NDUFA10: variants seen among roughly 807,000 people sequenced by gnomAD.
NDUFA10 encodes NADH dehydrogenase [ubiquinone] 1 alpha subcomplex subunit 10, mitochondrial.
Under a neutral mutation model 47.8 loss-of-function variants are expected in NDUFA10, and 40 were observed. The observed-to-expected ratio is 0.84, with a 90% CI of 0.65 to 1.09. The LOEUF (loss-of-function observed/expected upper bound fraction) is 1.09. Among genes scored for constraint, NDUFA10 ranks in the 50% least tolerant of loss-of-function variants. The pLI, the probability that NDUFA10 is intolerant of heterozygous loss-of-function variation, is 0.00. For missense variants in NDUFA10, 413 were observed against 451.1 expected, an observed-to-expected ratio of 0.92 and a Z score of 0.76; for synonymous variants, 183 against 172.2, an observed-to-expected ratio of 1.06 and a Z score of -0.49.
At chr2:239,938,134 C>G (rs1445271884) in intron 4 of NDUFA10, among the ~76,000 whole-genome samples, 1 of 152,224 alleles carries the variant, frequency 6.6e-6, no homozygotes, top group Non-Finnish European at 1.5e-5. Flanking sequence ...CACTCCCCAG[C>G]AGTCCCCACT....
chr2:239,970,167 C>A (rs1210699105), intron 9 of NDUFA10, among the ~76,000 whole-genome samples: 1 of 152,078 alleles, frequency 6.6e-6, no homozygotes, highest in Non-Finnish European at 1.5e-5. Context: ...AAAAAAGGTT[C>A]ATCAGGGACA....
intron 6 of NDUFA10, among the ~76,000 whole-genome samples, chr2:240,009,124 A>G (rs1054968753): frequency 4.6e-5 from 7 of 152,178 alleles, no homozygotes; most frequent in African/African-American, 1.7e-4. Context: ...AGTTATTTCA[A>G]TACTTCCAGA....
At chr2:240,020,898 CTTTGT>C (rs561237358) in intron 3 of NDUFA10, among the ~76,000 whole-genome samples, 1 of 152,194 alleles carries the variant, frequency 6.6e-6, no homozygotes, top group Non-Finnish European at 1.5e-5. Context: ...CTCTTTACCC[CTTTGT>C]TTTGACACAT....
chr2:239,924,717 C>T (rs1255806072), intron 4 of NDUFA10, among the ~76,000 whole-genome samples: 1 of 151,864 alleles, frequency 6.6e-6, no homozygotes, highest in Non-Finnish European at 1.5e-5. Flanking sequence ...AGTAGTAAGT[C>T]AAGAAAGGAA....
chr2:239,956,391 T>C (rs970073804), downstream of NDUFA10, among the ~76,000 whole-genome samples: 2 of 152,130 alleles, frequency 1.3e-5, no homozygotes. Flanking sequence ...AGGGGGTAGA[T>C]CCAAAGCGTG....
intron 9 of NDUFA10, among the ~76,000 whole-genome samples, chr2:239,981,394 G>C (rs1695767256): frequency 6.9e-6 from 1 of 145,210 alleles, no homozygotes; most frequent in African/African-American, 2.6e-5. Context: ...TCCAGAGACA[G>C]AGCATAAAAT....
At chr2:239,897,939 G>A (rs985949202) in intron 4 of NDUFA10, among the ~76,000 whole-genome samples, 1 of 152,188 alleles carries the variant, frequency 6.6e-6, no homozygotes, top group Non-Finnish European at 1.5e-5. Context: ...TCCCTTCTGG[G>A]ATCCCTCTTC....
At chr2:239,933,025 G>A (rs533168569) in intron 4 of NDUFA10, among the ~76,000 whole-genome samples, 10 of 152,300 alleles carry the variant, frequency 6.6e-5, no homozygotes, top group Admixed American at 1.3e-4. Context: ...ACGGCAGCCC[G>A]TGTAGGTTGT....
intron 4 of NDUFA10, chr2:239,942,940 T>C (rs1350050248): frequency 6.5e-6 from 1 of 154,220 alleles, no homozygotes; most frequent in Admixed American, 6.5e-5. Context: ...AGGATGGTGG[T>C]GGCAGGAGGA....
intron 4 of NDUFA10, among the ~76,000 whole-genome samples, chr2:239,933,319 T>C (rs1312801147): frequency 6.6e-6 from 1 of 152,154 alleles, no homozygotes; most frequent in Non-Finnish European, 1.5e-5. Context: ...GGCCTCCATC[T>C]CTACCCTTCA....
chr2:239,914,559 G>A (rs1324156917), intron 4 of NDUFA10, among the ~76,000 whole-genome samples: 2 of 134,300 alleles, frequency 1.5e-5, no homozygotes, highest in Non-Finnish European at 3.1e-5. Context: ...TACAGACACA[G>A]AGATACACAC....
chr2:239,983,516 CT>C (rs1559352905), intron 9 of NDUFA10: 1 of 1,598,610 alleles, frequency 6.3e-7, no homozygotes, highest in Admixed American at 1.7e-5. Flanking sequence ...ACAATTCTTA[CT>C]CAACAAAGGA....
intron 4 of NDUFA10, among the ~76,000 whole-genome samples, chr2:239,933,517 T>TG (rs1553558206): frequency 1.2e-4 from 18 of 149,052 alleles, no homozygotes; most frequent in African/African-American, 3.7e-4. Flanking sequence ...TTTTTTTGTT[T>TG]TTTTGTTTTG....
rs556124264 is a variant in NDUFA10, at chr2:239,920,845, G to A, written c.295-25531C>T. 3.9e-5 allele frequency among the ~76,000 whole-genome samples: 6 copies of A among 152,200 alleles called. No individual in the cohort carries two copies. The East Asian group carries it at 9.6e-4, about 24-fold the overall frequency. The stretch of plus-strand genomic sequence containing the variant: ...ATGAACACAGTTCCTAGAAGGCGGA[G>A]GGGTGGGGTCGTCTGAGGTGCCTGG... On this transcript the variant is annotated intron_variant, in intron 4 of 5. Transcript: ENST00000419408.
chr2:239,917,628 CT>C (rs1422612829), intron 4 of NDUFA10, among the ~76,000 whole-genome samples: 1 of 152,224 alleles, frequency 6.6e-6, no homozygotes, highest in Non-Finnish European at 1.5e-5. Flanking sequence ...AGTTATGAAC[CT>C]GTCACAATTT....
At chr2:239,918,277 G>C (rs1414133315) in intron 4 of NDUFA10, among the ~76,000 whole-genome samples, 1 of 152,188 alleles carries the variant, frequency 6.6e-6, no homozygotes, top group Non-Finnish European at 1.5e-5. Context: ...CCACAGCCCT[G>C]GGCAGCAACA....
chr2:239,949,326 G>A (rs150127413), intron 4 of NDUFA10, among the ~76,000 whole-genome samples: 231 of 152,300 alleles, frequency 1.5e-3, no homozygotes, highest in African/African-American at 5.4e-3. Flanking sequence ...GACTACAGCT[G>A]CCCAGGTATT....
intron 4 of NDUFA10, among the ~76,000 whole-genome samples, chr2:239,911,100 C>T (rs1693745615): frequency 6.6e-6 from 1 of 152,228 alleles, no homozygotes; most frequent in Non-Finnish European, 1.5e-5. Flanking sequence ...TCACACCACG[C>T]TGGGGCCTCG....
chr2:239,960,234 T>C lies in NDUFA10; in HGVS notation c.*884A>G. The C allele has an allele frequency of 1.0e-6, 1 of 985,416 alleles. No homozygotes were observed. The highest frequency in any genetic ancestry group is 1.1e-4 in the East Asian group (1 of 8,822). 61.0% of individuals were successfully genotyped at this position (985,416 alleles called of 1,614,324 possible). ...CCCACAGTTCAGTAGGACTCACAAC[T>C]GACAGCTTGATTCCTAAACCATGAT... On this transcript the variant is annotated 3_prime_UTR_variant, in exon 10 of 10. Transcript: ENST00000252711.
Sources: allele counts gnomAD v4.1 joint callset (sites outside exome capture counted in the v4.1 genomes callset), GRCh38; gene constraint gnomAD v4.1.1; transcripts MANE v1.5; gene names NCBI Gene and HGNC (gene_info 2026-07-23, HGNC 2026-07-21).